Variants in PRSS55 observed in about 807,000 individuals in gnomAD.
The protein encoded by PRSS55 is serine protease 55, also known as probable serine protease UNQ9391/PRO34284.
Under a neutral mutation model 23.6 loss-of-function variants are expected in PRSS55, and 41 were observed. The observed-to-expected ratio is 1.74, with a 90% CI of 1.35 to 2.26. The LOEUF (loss-of-function observed/expected upper bound fraction) is 2.26, where lower values mean the gene tolerates loss of function less well. Ranked by LOEUF, PRSS55 falls within the 30% of genes most tolerant of loss-of-function variation. The pLI, the probability that PRSS55 is intolerant of heterozygous loss-of-function variation, is 0.00. For synonymous variants in PRSS55, 262 were observed against 175.5 expected (o/e 1.49, Z -3.90); for missense variants, 669 against 439.1 (o/e 1.52, Z -4.68).
chr8:10,531,184 T>A, intron 2 of PRSS55, 111 bp from the exon 3 acceptor site: 1 of 1,346,748 alleles, frequency 7.4e-7, no homozygotes, highest in Non-Finnish European at 1.0e-6. Flanking sequence ...CCAGTAGGGT[T>A]TAAAGGTCCT....
intron 4 of PRSS55, among the ~76,000 whole-genome samples, chr8:10,551,586 G>A (rs1039936148): frequency 3.9e-5 from 6 of 152,216 alleles, no homozygotes; most frequent in Non-Finnish European, 7.3e-5. Flanking sequence ...CATCTTGTGC[G>A]AGGTAGGGGC....
chr8:10,526,417 ACAC>A, intron 1 of PRSS55, among the ~76,000 whole-genome samples: 1 of 152,232 alleles, frequency 6.6e-6, no homozygotes. Context: ...TGCCCTGTGC[ACAC>A]CACTTCTTGC....
Position 10,528,004 on chromosome 8 carries a change from G to C in PRSS55, c.155-1503G>C, listed in dbSNP as rs116022225. On this transcript the variant is annotated intron_variant, in intron 1 of 4. Transcript: ENST00000328655. ...GAGGCGGGCAGATCATCTGAGGTTA[G>C]GAGCTCTAGACCAGCCTGACCAACA... Among the ~76,000 whole-genome samples the C allele has an allele frequency of 5.3e-3, 807 of 152,230 alleles. 8 individuals are homozygous for C. Among genetic ancestry groups the C allele is most frequent in the African/African-American group, 0.019 (773 of 41,526 alleles).
At chr8:10,538,285 C>G (rs571715249) in intron 4 of PRSS55, among the ~76,000 whole-genome samples, 191 bp from the exon 5 acceptor site, 1 of 150,590 alleles carries the variant, frequency 6.6e-6, no homozygotes, top group African/African-American at 2.4e-5. Context: ...CACCCCACCC[C>G]CAACGCTCTA....
At chr8:10,540,344 A>G (rs1563545010), downstream of PRSS55, 1 of 152,236 alleles carries the variant, frequency 6.6e-6, no homozygotes, top group Admixed American at 6.5e-5. Flanking sequence ...AGGAAATGCA[A>G]ATCCTTAAAT....
intron 1 of PRSS55, among the ~76,000 whole-genome samples, chr8:10,528,170 G>A (rs997005837): frequency 2.7e-5 from 4 of 148,084 alleles, no homozygotes; most frequent in Non-Finnish European, 5.9e-5. Context: ...CTGCACTCCA[G>A]CCTGGGCGAT....
At chr8:10,538,044 A>G (rs906913669) in intron 4 of PRSS55, among the ~76,000 whole-genome samples, 2 of 152,202 alleles carry the variant, frequency 1.3e-5, no homozygotes, top group Non-Finnish European at 2.9e-5. Flanking sequence ...TGCTTCTGCA[A>G]GAACACAAAG....
intron 4 of PRSS55, among the ~76,000 whole-genome samples, chr8:10,535,493 G>A (rs60654669): frequency 6.6e-6 from 1 of 152,202 alleles, no homozygotes; most frequent in South Asian, 2.1e-4. Context: ...GATAAATGGT[G>A]TTGGGATAAC....
rs367685038 is a variant in PRSS55 at position 10,532,979 on chromosome 8, G to T, written c.672G>T (p.Lys224Asn). 8 of 1,614,098 alleles carry T rather than the reference G, an allele frequency of 5.0e-6. No individual in the cohort carries two copies. The highest frequency in any genetic ancestry group is 5.9e-6 in the Non-Finnish European group (7 of 1,180,046). Residue 224 changes from lysine (K) to asparagine (N), a missense_variant, in exon 4 of 5, where the codon AAG becomes AAT. By Grantham distance (94) the Lys-to-Asn change is moderately conservative. Transcript: ENST00000328655. ...TCATGGACTGGGAGGAGTGTTCAAA[G>T]ATGTTTCCAAAACTTACCAAAAATA... is the stretch of plus-strand genomic sequence containing the variant. ...MVIMDWEECS[K>N]MFPKLTKNML... is the part of the protein sequence containing the mutation.
At chr8:10,553,484 C>G (rs1189599711) in intron 4 of PRSS55, among the ~76,000 whole-genome samples, 2 of 152,160 alleles carry the variant, frequency 1.3e-5, no homozygotes, top group African/African-American at 4.8e-5. Context: ...GAAGGAAATT[C>G]TGTCATTGAC....
intron 4 of PRSS55, among the ~76,000 whole-genome samples, chr8:10,545,500 A>T (rs1217926249): frequency 2.0e-5 from 3 of 152,190 alleles, no homozygotes; most frequent in East Asian, 1.9e-4. Flanking sequence ...TTCTATGCTT[A>T]TCTCTTCTTG....
downstream of PRSS55, among the ~76,000 whole-genome samples, chr8:10,543,423 T>TTCCTTCCTTCCTTC (rs1812717370): frequency 1.4e-5 from 1 of 71,474 alleles, no homozygotes; most frequent in African/African-American, 4.1e-5. Context: ...CTTCTTTCTT[T>TTCCTTCCTTCCTTC]CTTCCTTCCT....
intron 4 of PRSS55, chr8:10,553,884 C>G: frequency 8.6e-7 from 1 of 1,164,224 alleles, no homozygotes; most frequent in Non-Finnish European, 1.2e-6. Flanking sequence ...CAAAGCACCA[C>G]ATTGTACAAT....
chr8:10,534,232 C>T (rs949451946), intron 4 of PRSS55, among the ~76,000 whole-genome samples: 10 of 152,216 alleles, frequency 6.6e-5, no homozygotes, highest in Admixed American at 1.3e-4. Flanking sequence ...ACTAAAAGCA[C>T]GGGATAGTAT....
intron 4 of PRSS55, among the ~76,000 whole-genome samples, chr8:10,548,226 G>A (rs1812867015): frequency 6.6e-6 from 1 of 152,170 alleles, no homozygotes; most frequent in African/African-American, 2.4e-5. Context: ...GTGGGGTGCA[G>A]TTCCCAGATG....
intron 4 of PRSS55, 127 bp downstream of exon 4, chr8:10,533,175 T>C: frequency 2.0e-6 from 2 of 1,015,502 alleles, no homozygotes; most frequent in Non-Finnish European, 2.8e-6. Context: ...AATTAGGGCC[T>C]GCAGCCATGA....
intron 4 of PRSS55, among the ~76,000 whole-genome samples, chr8:10,544,522 T>C (rs75029535): frequency 0.017 from 2,589 of 152,332 alleles, 77 homozygotes; most frequent in African/African-American, 0.058. Flanking sequence ...TGATCATTGA[T>C]ATAGTTTGAT....
intron 4 of PRSS55, among the ~76,000 whole-genome samples, chr8:10,549,245 C>T (rs555693879): frequency 3.3e-5 from 5 of 152,240 alleles, no homozygotes; most frequent in East Asian, 3.9e-4. Flanking sequence ...GTCCCTGCAG[C>T]GGCCATGGCC....
At chr8:10,538,256 A>G (rs928480170) in intron 4 of PRSS55, among the ~76,000 whole-genome samples, 1 of 151,982 alleles carries the variant, frequency 6.6e-6, no homozygotes, top group Non-Finnish European at 1.5e-5. Context: ...CCCCATCTTC[A>G]GTCCTGTCTC....
Sources: gnomAD v4.1 joint callset for allele counts (sites outside exome capture counted in the v4.1 genomes callset) on GRCh38, gnomAD v4.1.1 for gene constraint, MANE v1.5 for transcripts, NCBI Gene and HGNC (gene_info 2026-07-23, HGNC 2026-07-21) for gene names.